Variants in OPA1 observed in about 807,000 individuals in gnomAD.
OPA1 encodes the protein dynamin-like GTPase OPA1, mitochondrial.
A neutral mutation model predicts 152.9 loss-of-function variants in OPA1; 59 were observed. That is an observed-to-expected ratio of 0.39 (90% CI 0.31 to 0.48). The LOEUF is 0.48. Among genes scored for constraint, OPA1 ranks in the 20% least tolerant of loss-of-function variants. The pLI is 0.96. For synonymous variants in OPA1, 400 were observed against 389.9 expected (o/e 1.03, Z -0.31); for missense variants, 1,008 against 1,216.8 (o/e 0.83, Z 2.55).
At chr3:193,645,509 T>A (rs199952593) in intron 16 of OPA1, 44 bp from the exon 17 acceptor site, 1 of 1,467,550 alleles carries the variant, frequency 6.8e-7, no homozygotes. Flanking sequence ...TTAAAACTTA[T>A]GTAAACTATA....
chr3:193,675,445 C>G (rs1718793957), intron 29 of OPA1, among the ~76,000 whole-genome samples: 1 of 151,746 alleles, frequency 6.6e-6, no homozygotes. Context: ...TACTGTTGCT[C>G]TGTTTCTTGG....
At chr3:193,666,701 AT>A (rs1488089714) in intron 28 of OPA1, among the ~76,000 whole-genome samples, 4 of 152,250 alleles carry the variant, frequency 2.6e-5, no homozygotes, top group African/African-American at 9.6e-5. Context: ...AGATGGGAGG[AT>A]CACTTGAGCC....
At chr3:193,613,557 T>C (rs751162726) in intron 1 of OPA1, among the ~76,000 whole-genome samples, 25 of 151,842 alleles carry the variant, frequency 1.6e-4, no homozygotes, top group Middle Eastern at 3.4e-3. Flanking sequence ...TCCTCCTCCT[T>C]CTTTGTTTTT....
chr3:193,629,360 A>C (rs1009479860), intron 7 of OPA1, among the ~76,000 whole-genome samples: 10 of 152,200 alleles, frequency 6.6e-5, no homozygotes, highest in African/African-American at 2.4e-4. Context: ...ATTTATAAAC[A>C]TCTTAACACT....
chr3:193,610,758 G>A (rs560395164), intron 1 of OPA1, among the ~76,000 whole-genome samples: 72 of 152,310 alleles, frequency 4.7e-4, no homozygotes, highest in East Asian at 1.7e-3. Flanking sequence ...CCCCAGCCTC[G>A]CTGCCACCTT....
At position 193,593,326 on chromosome 3, in the gene OPA1, G is replaced by C; in HGVS notation, c.-52G>C. On this transcript the variant is annotated 5_prime_UTR_variant, in exon 1 of 31. Transcript: ENST00000361510. ...CCGGGAGCCGGGCTGGGGCTCACACGGGGGCTCCCGCGTGGCCGTCTCGGC... is the reference window on the plus strand; with the variant it reads ...CCGGGAGCCGGGCTGGGGCTCACACCGGGGCTCCCGCGTGGCCGTCTCGGC... 1.3e-6 allele frequency: 2 copies of C among 1,529,988 alleles called. No homozygotes were observed. The highest frequency in any genetic ancestry group is 1.8e-6 in the Non-Finnish European group (2 of 1,136,234). 94.8% of individuals were successfully genotyped at this position (1,529,988 alleles called of 1,614,324 possible).
chr3:193,665,915 CAAAGA>C (rs1716427653), intron 27 of OPA1, among the ~76,000 whole-genome samples: 1 of 152,012 alleles, frequency 6.6e-6, no homozygotes. Context: ...AGTACAGACT[CAAAGA>C]AAAGAGGTTA....
At chr3:193,667,037 A>G in intron 28 of OPA1, 133 bp from the exon 29 acceptor site, 2 of 632,156 alleles carry the variant, frequency 3.2e-6, no homozygotes, top group Non-Finnish European at 5.7e-6. Context: ...GAGATTTTCT[A>G]TGACTATGAA....
intron 7 of OPA1, 95 bp from the exon 8 acceptor site, chr3:193,631,517 G>C: frequency 1.2e-6 from 1 of 843,890 alleles, no homozygotes; most frequent in South Asian, 1.6e-5. Context: ...AAAGTCAGTT[G>C]TTTTTAACTC....
chr3:193,598,471 C>G (rs1725950018), intron 1 of OPA1, among the ~76,000 whole-genome samples: 1 of 152,102 alleles, frequency 6.6e-6, no homozygotes, highest in East Asian at 1.9e-4. Context: ...TTGAGATGTG[C>G]TTCCAGTTGG....
At chr3:193,608,200 C>T (rs1727599857) in intron 1 of OPA1, among the ~76,000 whole-genome samples, 2 of 152,198 alleles carry the variant, frequency 1.3e-5, no homozygotes, top group Admixed American at 6.5e-5. Context: ...GTCTCTATCT[C>T]CTTCAGTTCT....
At chr3:193,610,593 G>A (rs1233858169) in intron 1 of OPA1, among the ~76,000 whole-genome samples, 1 of 152,240 alleles carries the variant, frequency 6.6e-6, no homozygotes, top group African/African-American at 2.4e-5. Flanking sequence ...GTCTGCAGAG[G>A]TTTCTGCTGC....
At chr3:193,692,473 C>CT (rs916455670) in intron 30 of OPA1, among the ~76,000 whole-genome samples, 6 of 152,154 alleles carry the variant, frequency 3.9e-5, no homozygotes, top group African/African-American at 9.7e-5. Context: ...TGCCTATAGT[C>CT]TATCAATAAT....
intron 6 of OPA1, among the ~76,000 whole-genome samples, chr3:193,624,859 T>C (rs1560343445): frequency 2.0e-5 from 3 of 152,094 alleles, no homozygotes; most frequent in African/African-American, 7.2e-5. Flanking sequence ...TCTAATTATA[T>C]AAAATAAAAT....
intron 29 of OPA1, among the ~76,000 whole-genome samples, chr3:193,671,039 TTGAA>T (rs1717811785): frequency 6.6e-6 from 1 of 152,178 alleles, no homozygotes; most frequent in Non-Finnish European, 1.5e-5. Flanking sequence ...TTGTAACTCA[TTGAA>T]TGAAATAGGA....
At chr3:193,649,142 G>A (rs1015053727) in intron 21 of OPA1, among the ~76,000 whole-genome samples, 15 of 151,866 alleles carry the variant, frequency 9.9e-5, no homozygotes, top group African/African-American at 3.1e-4. Context: ...AATCCTTTGG[G>A]CAGAAGTTTT....
rs902810216 is a variant in OPA1 at position 193,648,848 on chromosome 3, G to C, written c.1989G>C (p.Leu663=). The change falls in exon 21 of 31, where the codon CTG becomes CTC. Residue 663 remains leucine (L), a synonymous_variant. Coordinates refer to ENST00000361510, the MANE Select transcript of OPA1 (RefSeq NM_130837.3). The stretch of plus-strand genomic sequence containing the variant: ...AAATCCTTGATGAAGTTATCAGTCT[G>C]AGCCAGGTTACACCAAAACATTGGT... ...KNEILDEVIS[L]SQVTPKHWEE... is the part of the protein sequence containing the mutation. 3 of 1,608,946 alleles carry C rather than the reference G, an allele frequency of 1.9e-6. No homozygotes were observed. The highest frequency in any genetic ancestry group is 2.6e-6 in the Non-Finnish European group (3 of 1,175,652).
chr3:193,659,673 G>A, intron 25 of OPA1, 112 bp downstream of exon 25: 1 of 754,952 alleles, frequency 1.3e-6, no homozygotes, highest in South Asian at 1.7e-5. Flanking sequence ...AATATTAAAT[G>A]TTTTATATCA....
At chr3:193,639,136 A>G (rs1297739424) in intron 11 of OPA1, among the ~76,000 whole-genome samples, 1 of 152,164 alleles carries the variant, frequency 6.6e-6, no homozygotes, top group Non-Finnish European at 1.5e-5. Context: ...GGAAGAAGGT[A>G]TGGGGCTGCA....
Sources: allele counts gnomAD v4.1 joint callset (sites outside exome capture counted in the v4.1 genomes callset), GRCh38; gene constraint gnomAD v4.1.1; transcripts MANE v1.5; gene names NCBI Gene and HGNC (gene_info 2026-07-23, HGNC 2026-07-21).